Variants in ZNF208 observed in about 807,000 individuals in gnomAD.
ZNF208 encodes the protein zinc finger protein 208, also known as zinc finger protein 95.
ZNF208 carries 10 observed loss-of-function variants against 12.1 expected under a neutral mutation model. The ratio of observed to expected loss-of-function variants is 0.83; its 90% CI spans 0.51 to 1.40. ZNF208 has a LOEUF of 1.40. Among genes scored for constraint, ZNF208 ranks in the 40% most tolerant of loss-of-function variants. The pLI is 0.00. For missense variants in ZNF208, 1,652 were observed against 1,485.0 expected (o/e 1.11, Z -1.85); for synonymous variants, 497 against 488.4 (o/e 1.02, Z -0.23).
At chr19:21,961,815 C>G (rs1970075722), downstream of ZNF208, among the ~76,000 whole-genome samples, 1 of 152,112 alleles carries the variant, frequency 6.6e-6, no homozygotes. Flanking sequence ...TGCCCTACCC[C>G]ACAGTCAGGC....
chr19:21,976,810 C>T (rs1215006265), intron 3 of ZNF208, among the ~76,000 whole-genome samples: 1 of 152,158 alleles, frequency 6.6e-6, no homozygotes. Flanking sequence ...ATCTACCTGC[C>T]TCAGCCTCAC....
chr19:21,952,080 G>A (rs1969897746), intron 4 of ZNF208, among the ~76,000 whole-genome samples: 1 of 152,240 alleles, frequency 6.6e-6, no homozygotes, highest in Admixed American at 6.5e-5. Context: ...TGGCAACGCA[G>A]CAGCCTGGCT....
At chr19:21,950,968 T>G (rs1014738894) in intron 4 of ZNF208, among the ~76,000 whole-genome samples, 1 of 152,206 alleles carries the variant, frequency 6.6e-6, no homozygotes, top group Non-Finnish European at 1.5e-5. Context: ...AATAAGCACT[T>G]AGATAAAATG....
At chr19:21,999,059 T>TA in intron 1 of ZNF208, among the ~76,000 whole-genome samples, 1 of 26,810 alleles carries the variant, frequency 3.7e-5, no homozygotes, top group Non-Finnish European at 7.9e-5. Context: ...CATAATTTTA[T>TA]GCTATAATTT....
At chr19:21,994,995 G>A (rs144322515) in intron 1 of ZNF208, among the ~76,000 whole-genome samples, 7 of 142,840 alleles carry the variant, frequency 4.9e-5, no homozygotes, top group South Asian at 4.3e-4. Context: ...TTTGTTGCCC[G>A]GGCTGTGGTG....
downstream of ZNF208, among the ~76,000 whole-genome samples, chr19:21,965,340 T>C (rs1599608775): frequency 2.6e-5 from 4 of 152,068 alleles, no homozygotes; most frequent in South Asian, 6.2e-4. Flanking sequence ...ATTAGAAATG[T>C]CATGGTTCAT....
chr19:21,973,441 G>A lies in ZNF208; in HGVS notation c.1593C>T (p.Gly531=). ...GGATTGAGAATGTACTGAAGCTTTTGCCACATTCTTCACATTTGTAGGGTT... is the reference window on the plus strand; with the variant it reads ...GGATTGAGAATGTACTGAAGCTTTTACCACATTCTTCACATTTGTAGGGTT... ...GEKPYKCEEC[G]KSFSTFSILT... is the part of the protein sequence containing the mutation. The change falls in exon 4 of 4, where the codon GGC becomes GGT. Residue 531 remains glycine (G), a synonymous_variant. Coordinates refer to ENST00000397126, the MANE Select transcript of ZNF208 (RefSeq NM_007153.3). 1 of 1,612,806 alleles carries A rather than the reference G, an allele frequency of 6.2e-7. No homozygotes were observed. Among genetic ancestry groups the A allele is most frequent in the Non-Finnish European group, 8.5e-7 (1 of 1,179,836 alleles).
chr19:21,959,069 C>CTCAG (rs1286759907), intron 4 of ZNF208, among the ~76,000 whole-genome samples: 1 of 151,554 alleles, frequency 6.6e-6, no homozygotes, highest in African/African-American at 2.4e-5. Flanking sequence ...GTGACAGAGA[C>CTCAG]TCAGTCTCAT....
At chr19:21,989,076 C>CT (rs1170041210) in intron 1 of ZNF208, among the ~76,000 whole-genome samples, 167 bp from the exon 2 acceptor site, 3 of 146,258 alleles carry the variant, frequency 2.1e-5, no homozygotes, top group East Asian at 2.0e-4. Flanking sequence ...CATATTCTCT[C>CT]TCTTTTTTCT....
chr19:21,972,535 G>C lies in ZNF208; in HGVS notation c.2499C>G (p.Tyr833Ter), dbSNP rs372068312. Reference protein sequence around the residue: ...HKAIHAGEKPYKCKECGKAFS... With the variant: ...HKAIHAGEKP The stretch of plus-strand genomic sequence containing the variant: ...AGGCTTTGCCACATTCTTTACATTT[G>C]TAGGGCTTTTCTCCAGCATGAATTG... The change falls in exon 4 of 4, where the codon TAC (tyrosine) becomes TAG (stop). Residue 833 changes from tyrosine to a stop codon, truncating the protein, a stop_gained. Coordinates refer to ENST00000397126, the MANE Select transcript of ZNF208 (RefSeq NM_007153.3). LOFTEE classifies it low-confidence loss of function (END_TRUNC). The C allele has an allele frequency of 2.2e-5, 35 of 1,613,116 alleles. No individual in the cohort carries two copies. Among genetic ancestry groups the C allele is most frequent in the Admixed American group, 1.0e-4 (6 of 59,906 alleles).
chr19:22,008,302 C>CAAAAAAAAAAAAAA (rs71180503), intron 1 of ZNF208, among the ~76,000 whole-genome samples: 1 of 98,940 alleles, frequency 1.0e-5, no homozygotes, highest in African/African-American at 3.9e-5. Context: ...GACTCTATCT[C>CAAAAAAAAAAAAAA]AAAAAAAAAA....
At position 22,004,003 on chromosome 19, in the gene ZNF208, TA is replaced by T. The variant is rs889344097; in HGVS notation, c.3+6788del. 7.7e-4 allele frequency among the ~76,000 whole-genome samples: 112 copies of T among 145,486 alleles called. 1 individual carries two copies. Among genetic ancestry groups the T allele is most frequent in the African/African-American group, 2.3e-3 (90 of 39,736 alleles). On this transcript the variant is annotated intron_variant, in intron 1 of 3. Coordinates refer to ENST00000397126, the MANE Select transcript of ZNF208 (RefSeq NM_007153.3). ...GGACAACATGGCAAAATCCCATCTA[TA>T]AAAAAAAAAGTACAAAAATAAAAAT...
intron 4 of ZNF208, among the ~76,000 whole-genome samples, chr19:21,958,189 T>C (rs1351998243): frequency 6.8e-6 from 1 of 147,498 alleles, no homozygotes; most frequent in Admixed American, 6.9e-5. Context: ...AAAAAAAAAC[T>C]AAAAGAAAGT....
At chr19:21,956,728 C>T (rs947806265) in intron 4 of ZNF208, among the ~76,000 whole-genome samples, 1 of 152,202 alleles carries the variant, frequency 6.6e-6, no homozygotes, top group Non-Finnish European at 1.5e-5. Flanking sequence ...TTTCCAGGTA[C>T]AGTCTGTCAC....
chr19:22,003,267 A>C (rs1477304144), intron 1 of ZNF208, among the ~76,000 whole-genome samples: 9 of 152,242 alleles, frequency 5.9e-5, no homozygotes, highest in African/African-American at 2.2e-4. Flanking sequence ...CATTCTAGAC[A>C]TAGAAACTGG....
chr19:21,953,397 G>C (rs777383536), intron 4 of ZNF208, among the ~76,000 whole-genome samples: 1 of 99,552 alleles, frequency 1.0e-5, no homozygotes, highest in African/African-American at 4.8e-5. Flanking sequence ...AAGAAAAAAT[G>C]TTACGGGTAG....
At chr19:21,992,984 C>T (rs115190567) in intron 1 of ZNF208, among the ~76,000 whole-genome samples, 2,757 of 152,138 alleles carry the variant, frequency 0.018, 70 homozygotes, top group African/African-American at 0.062. Context: ...AGGATTCTTT[C>T]TCAAATAAAA....
intron 3 of ZNF208, among the ~76,000 whole-genome samples, chr19:21,980,202 G>A (rs955337170): frequency 6.6e-6 from 1 of 152,166 alleles, no homozygotes; most frequent in African/African-American, 2.4e-5. Context: ...TTCAGGACTT[G>A]AACTCAGCTC....
At chr19:21,945,854 C>T (rs1995934) in intron 4 of ZNF208, among the ~76,000 whole-genome samples, 25,377 of 151,810 alleles carry the variant, frequency 0.17, 2,318 homozygotes, top group Admixed American at 0.23. Flanking sequence ...TATGGAGAGC[C>T]CCCAACCCCC....
Sources: allele counts gnomAD v4.1 joint callset (sites outside exome capture counted in the v4.1 genomes callset), GRCh38; gene constraint gnomAD v4.1.1; transcripts MANE v1.5; gene names NCBI Gene and HGNC (gene_info 2026-07-23, HGNC 2026-07-21).